Variants in S100PBP observed in about 807,000 individuals in gnomAD.
The protein encoded by S100PBP is S100P binding protein, also known as S100P-binding protein.
Under a neutral mutation model 39.9 loss-of-function variants are expected in S100PBP, and 15 were observed. The observed-to-expected ratio is 0.38, with a 90% CI of 0.25 to 0.58. S100PBP has a LOEUF of 0.58. Ranked by LOEUF, S100PBP falls within the 20% of genes least tolerant of loss-of-function variation. S100PBP has a pLI of 0.70. For synonymous variants in S100PBP, 178 were observed against 180.3 expected (o/e 0.99, Z 0.10); for missense variants, 504 against 487.3 (o/e 1.03, Z -0.32).
chr1:32,851,136 C>T (rs1293379622), intron 5 of S100PBP, among the ~76,000 whole-genome samples: 1 of 152,200 alleles, frequency 6.6e-6, no homozygotes, highest in Non-Finnish European at 1.5e-5. Context: ...GGAATTTTAA[C>T]TCAACTCTGC....
chr1:32,837,847 A>T (rs1201641881), intron 5 of S100PBP, among the ~76,000 whole-genome samples: 1 of 152,130 alleles, frequency 6.6e-6, no homozygotes, highest in Non-Finnish European at 1.5e-5. Context: ...GTAGTATTCC[A>T]TTATATAGAT....
intron 6 of S100PBP, among the ~76,000 whole-genome samples, chr1:32,854,951 AATT>A (rs1181712253): frequency 2.0e-5 from 3 of 152,176 alleles, no homozygotes; most frequent in Admixed American, 2.0e-4. Flanking sequence ...ACCTTGGGTA[AATT>A]ATTAACCTGA....
intron 5 of S100PBP, among the ~76,000 whole-genome samples, chr1:32,843,787 A>G (rs531950967): frequency 6.5e-4 from 99 of 151,514 alleles, no homozygotes; most frequent in Non-Finnish European, 1.2e-3. Context: ...ACGGGGTTTC[A>G]CCATGTTAGC....
At chr1:32,836,777 C>T (rs1335152373) in intron 5 of S100PBP, 1 of 164,816 alleles carries the variant, frequency 6.1e-6, no homozygotes, top group African/African-American at 2.4e-5. Context: ...ATATCTTCCT[C>T]TTTCTTATTT....
upstream of S100PBP, chr1:32,817,547 T>C (rs1638790250): frequency 1.8e-6 from 1 of 557,870 alleles, no homozygotes. Context: ...GACGGTTTCC[T>C]GCCAATCACT....
intron 5 of S100PBP, among the ~76,000 whole-genome samples, chr1:32,839,643 T>A (rs1480808578): frequency 1.3e-5 from 2 of 152,006 alleles, no homozygotes; most frequent in African/African-American, 2.4e-5. Flanking sequence ...CTGAATAAGG[T>A]TAAACTACAG....
chr1:32,822,330 T>C (rs1639107956), intron 1 of S100PBP, among the ~76,000 whole-genome samples: 1 of 151,988 alleles, frequency 6.6e-6, no homozygotes, highest in South Asian at 2.1e-4. Flanking sequence ...AATGAGGAAA[T>C]GGCCGGGCGC....
rs549379139 is a variant in S100PBP at position 32,834,377 on chromosome 1, T to G, written c.1024+4310T>G. ...TCTCCTTAATCTCTTTTAATTTAGGTCACTTGTTTTATAGATTGTCCCACA... is the reference window on the plus strand; with the variant it reads ...TCTCCTTAATCTCTTTTAATTTAGGGCACTTGTTTTATAGATTGTCCCACA... On this transcript the variant is annotated intron_variant, in intron 5 of 6. Coordinates refer to ENST00000373475, the MANE Select transcript of S100PBP (RefSeq NM_022753.4). Among the ~76,000 whole-genome samples, 9 of 152,208 alleles carry G rather than the reference T, an allele frequency of 5.9e-5. No homozygotes were observed. The South Asian group carries it at 1.4e-3, about 24-fold the overall frequency.
intron 6 of S100PBP, among the ~76,000 whole-genome samples, chr1:32,853,968 G>T (rs1640726810): frequency 6.6e-6 from 1 of 152,006 alleles, no homozygotes; most frequent in Non-Finnish European, 1.5e-5. Flanking sequence ...TTGCAACTTG[G>T]TGTCAAAGGA....
intron 4 of S100PBP, among the ~76,000 whole-genome samples, chr1:32,829,415 C>G (rs1639489249): frequency 6.6e-6 from 1 of 152,098 alleles, no homozygotes; most frequent in African/African-American, 2.4e-5. Context: ...CTTTCTATTC[C>G]TTGTTAGCAG....
intron 1 of S100PBP, among the ~76,000 whole-genome samples, chr1:32,819,724 G>C (rs925939681): frequency 2.0e-5 from 3 of 152,162 alleles, no homozygotes; most frequent in African/African-American, 7.2e-5. Flanking sequence ...TTTCACTGAA[G>C]AACTTCAGTT....
At chr1:32,828,966 C>T (rs1639467161) in intron 4 of S100PBP, among the ~76,000 whole-genome samples, 1 of 152,156 alleles carries the variant, frequency 6.6e-6, no homozygotes, top group African/African-American at 2.4e-5. Flanking sequence ...CATGCCACTG[C>T]ACACCAGCCT....
chr1:32,844,352 T>C (rs1640258919), intron 5 of S100PBP, among the ~76,000 whole-genome samples: 1 of 152,142 alleles, frequency 6.6e-6, no homozygotes, highest in Non-Finnish European at 1.5e-5. Context: ...TGCCCGAACC[T>C]GTTACTGATT....
At chr1:32,816,828 G>A (rs748835885), upstream of S100PBP, 15 of 418,480 alleles carry the variant, frequency 3.6e-5, no homozygotes, top group Non-Finnish European at 6.2e-5. Context: ...ACCGTAATGG[G>A]TCATTTTTAA....
In S100PBP at chr1:32,854,338, TATG is replaced by T. The variant is rs370300993; in HGVS notation, c.1112+1175_1112+1177del. Among the ~76,000 whole-genome samples, 30 of 152,330 alleles carry T rather than the reference TATG, an allele frequency of 2.0e-4. No homozygotes were observed. In the South Asian group the frequency reaches 5.6e-3, roughly 28 times the overall value. On this transcript the variant is annotated intron_variant, in intron 6 of 6. Transcript: ENST00000373475. Reference sequence around the variant, plus strand: ...TACTTTAAATCATCTCTAGATTACTTATGATAACTAATACAGTATAAATGCTAT... The same window carrying T: ...TACTTTAAATCATCTCTAGATTACTTATAACTAATACAGTATAAATGCTAT...
At chr1:32,844,472 C>T (rs1640265549) in intron 5 of S100PBP, among the ~76,000 whole-genome samples, 1 of 151,948 alleles carries the variant, frequency 6.6e-6, no homozygotes, top group African/African-American at 2.4e-5. Context: ...CAGAGCAAAC[C>T]CTGTTTTGTT....
intron 6 of S100PBP, among the ~76,000 whole-genome samples, chr1:32,854,181 C>A (rs1463388325): frequency 6.6e-6 from 1 of 152,148 alleles, no homozygotes; most frequent in African/African-American, 2.4e-5. Flanking sequence ...ATAGGTTCTG[C>A]ATATACAGTT....
intron 5 of S100PBP, among the ~76,000 whole-genome samples, chr1:32,839,196 A>G (rs149201243): frequency 2.4e-4 from 36 of 151,924 alleles, no homozygotes; most frequent in African/African-American, 7.2e-4. Context: ...GAATTTGACT[A>G]CTCTAGGTAC....
chr1:32,831,517 T>C (rs1639598115), intron 5 of S100PBP, among the ~76,000 whole-genome samples: 1 of 152,156 alleles, frequency 6.6e-6, no homozygotes, highest in Admixed American at 6.5e-5. Flanking sequence ...TAGTTTTTCT[T>C]GTTTGTTTTA....
Sources: gnomAD v4.1 joint callset for allele counts (sites outside exome capture counted in the v4.1 genomes callset) on GRCh38, gnomAD v4.1.1 for gene constraint, MANE v1.5 for transcripts, NCBI Gene and HGNC (gene_info 2026-07-23, HGNC 2026-07-21) for gene names.